ANK3: variants seen among roughly 807,000 people sequenced by gnomAD.
ANK3 encodes ankyrin 3, also known as ankyrin-3.
Under a neutral mutation model 370.9 loss-of-function variants are expected in ANK3, and 57 were observed. That is an observed-to-expected ratio of 0.15 (90% CI 0.12 to 0.19). ANK3 has a LOEUF of 0.19. ANK3 is among the 10% of genes least tolerant of loss of function. The pLI, the probability that ANK3 is intolerant of heterozygous loss-of-function variation, is 1.00. For missense variants in ANK3, 4,439 were observed against 5,302.1 expected (o/e 0.84, Z 5.06); for synonymous variants, 1,929 against 1,946.3 (o/e 0.99, Z 0.23).
intron 4 of ANK3, among the ~76,000 whole-genome samples, chr10:60,273,527 T>C (rs1054784775): frequency 1.3e-5 from 2 of 152,212 alleles, no homozygotes; most frequent in African/African-American, 4.8e-5. Flanking sequence ...TAACCACTAA[T>C]GCACTTTCTC....
At chr10:60,045,255 G>GAGTT (rs2076761517) in intron 42 of ANK3, among the ~76,000 whole-genome samples, 1 of 152,166 alleles carries the variant, frequency 6.6e-6, no homozygotes, top group African/African-American at 2.4e-5. Flanking sequence ...CAGTAATACA[G>GAGTT]AGTTAGAATC....
intron 2 of ANK3, among the ~76,000 whole-genome samples, chr10:60,505,583 A>T (rs985410215): frequency 1.1e-4 from 17 of 152,098 alleles, no homozygotes; most frequent in African/African-American, 3.6e-4. Context: ...TCTGAATTCA[A>T]CCTTACATTT....
intron 1 of ANK3, among the ~76,000 whole-genome samples, chr10:60,294,935 C>T (rs531793481): frequency 1.3e-5 from 2 of 152,196 alleles, no homozygotes; most frequent in East Asian, 1.9e-4. Context: ...TAAGGAAGGA[C>T]GTTATTTTCT....
Position 60,152,150 on chromosome 10 carries a change from T to C in ANK3, c.2615-13063A>G, listed in dbSNP as rs749111725. Among the ~76,000 whole-genome samples, 10 of 152,182 alleles carry C rather than the reference T, an allele frequency of 6.6e-5. No individual in the cohort carries two copies. In the East Asian group the frequency reaches 1.9e-3, roughly 29 times the overall value. ...GATGTATACACCCTAAGACCTATGA[T>C]AGACACCAGGACAACTCTGATCCTA... is the stretch of plus-strand genomic sequence containing the variant. On this transcript the variant is annotated intron_variant, in intron 23 of 43. Coordinates refer to ENST00000280772, the MANE Select transcript of ANK3 (RefSeq NM_020987.5).
rs187761804 is a variant in ANK3 at position 60,578,182 on chromosome 10, C to T, written c.96+37004G>A. ...TCTTTCCTGGTTATTCAGCCATATG[C>T]CCATTAAAATACAATGATATAATAA... On this transcript the variant is annotated intron_variant, in intron 2 of 43. Coordinates refer to the ANK3 transcript ENST00000373827. 9.1e-4 allele frequency among the ~76,000 whole-genome samples: 138 copies of T among 152,136 alleles called. 1 individual carries two copies. The highest frequency in any genetic ancestry group is 1.7e-3 in the South Asian group (8 of 4,828).
chr10:60,393,621 C>A (rs1485797901), upstream of ANK3, among the ~76,000 whole-genome samples: 1 of 152,160 alleles, frequency 6.6e-6, no homozygotes, highest in Non-Finnish European at 1.5e-5. Flanking sequence ...TTAGATATCA[C>A]AGCCAAGTAT....
chr10:60,209,411 C>A (rs901800509), intron 9 of ANK3, among the ~76,000 whole-genome samples: 1 of 152,108 alleles, frequency 6.6e-6, no homozygotes, highest in African/African-American at 2.4e-5. Flanking sequence ...AGTATAAGCT[C>A]CTTGTTAACC....
rs570634786 is a variant in ANK3 at position 60,062,944 on chromosome 10, C to G, written c.12595+167G>C. 8.5e-6 allele frequency: 5 copies of G among 586,468 alleles called. No homozygotes were observed. The South Asian group carries it at 1.4e-4, about 16-fold the overall frequency. 36.3% of individuals were successfully genotyped at this position (586,468 alleles called of 1,614,324 possible). The stretch of plus-strand genomic sequence containing the variant: ...ATTGTATATAAACAGAGGTATTTAC[C>G]AAGTTTGCTCTGATATCAGAGTGTT... On this transcript the variant is annotated intron_variant, in intron 40 of 43. Coordinates refer to ENST00000280772, the MANE Select transcript of ANK3 (RefSeq NM_020987.5).
At chr10:60,110,239 C>T (rs1345245138) in intron 26 of ANK3, among the ~76,000 whole-genome samples, 1 of 152,110 alleles carries the variant, frequency 6.6e-6, no homozygotes, top group East Asian at 1.9e-4. Flanking sequence ...CTGAAGAATG[C>T]TACCTCTTGA....
In ANK3 at chr10:60,154,216, C is replaced by CAA. The variant is rs375257624; in HGVS notation, c.2614+12373_2614+12374dup. On this transcript the variant is annotated intron_variant, in intron 23 of 43. Coordinates refer to ENST00000280772, the MANE Select transcript of ANK3 (RefSeq NM_020987.5). Reference sequence around the variant, plus strand: ...AAACAACAAAATTTCAGGTGAAGAACAATTTCTGAAGCTGCTAAGAACAGT... The same window carrying CAA: ...AAACAACAAAATTTCAGGTGAAGAACAAAATTTCTGAAGCTGCTAAGAACAGT... 8.5e-5 allele frequency among the ~76,000 whole-genome samples: 13 copies of CAA among 152,256 alleles called. No homozygotes were observed. The South Asian group carries it at 2.7e-3, about 32-fold the overall frequency.
chr10:60,689,521 G>A (rs1394379483), intron 1 of ANK3, among the ~76,000 whole-genome samples: 1 of 152,136 alleles, frequency 6.6e-6, no homozygotes, highest in African/African-American at 2.4e-5. Flanking sequence ...GGAGGCTGAG[G>A]CAGGTGGATC....
chr10:60,693,279 T>G (rs956748858), intron 1 of ANK3, among the ~76,000 whole-genome samples: 1 of 151,922 alleles, frequency 6.6e-6, no homozygotes. Flanking sequence ...CGCTGATTGC[T>G]AGCAGTCTGA....
At chr10:60,280,159 G>C (rs1037664379) in intron 1 of ANK3, among the ~76,000 whole-genome samples, 1 of 152,130 alleles carries the variant, frequency 6.6e-6, no homozygotes, top group Non-Finnish European at 1.5e-5. Flanking sequence ...GAACTCCCGG[G>C]CTCAAGTGAT....
intron 25 of ANK3, among the ~76,000 whole-genome samples, chr10:60,133,411 C>T (rs1257863375): frequency 2.0e-5 from 3 of 152,196 alleles, no homozygotes; most frequent in East Asian, 3.8e-4. Flanking sequence ...TATAGTAACC[C>T]GCTATCTATT....
At chr10:60,086,651 G>C (rs1564905955) in intron 30 of ANK3, 26 bp downstream of exon 30, 2 of 1,570,574 alleles carry the variant, frequency 1.3e-6, no homozygotes, top group African/African-American at 2.7e-5. Flanking sequence ...GAATCAATAG[G>C]AAGTACAGCA....
chr10:60,186,963 G>T, intron 16 of ANK3, 51 bp from the exon 17 acceptor site: 1 of 1,521,386 alleles, frequency 6.6e-7, no homozygotes, highest in Non-Finnish European at 9.1e-7. Context: ...ATAAAAATGT[G>T]CACAGTGCAT....
chr10:60,057,336 A>T (rs2079404792), intron 41 of ANK3, among the ~76,000 whole-genome samples: 1 of 152,054 alleles, frequency 6.6e-6, no homozygotes, highest in Non-Finnish European at 1.5e-5. Flanking sequence ...CTTTTTTTGT[A>T]GCTTGCGTAT....
intron 23 of ANK3, among the ~76,000 whole-genome samples, chr10:60,144,590 C>T (rs958702911): frequency 9.2e-5 from 14 of 152,200 alleles, no homozygotes; most frequent in Non-Finnish European, 2.1e-4. Flanking sequence ...TCAGCAATCT[C>T]CTCTTCCTAG....
At chr10:60,353,237 C>T (rs1367155342) in intron 1 of ANK3, among the ~76,000 whole-genome samples, 1 of 151,560 alleles carries the variant, frequency 6.6e-6, no homozygotes, top group Non-Finnish European at 1.5e-5. Flanking sequence ...AAGCGATCCA[C>T]CTGCCTCAGC....
Sources: allele counts gnomAD v4.1 joint callset (sites outside exome capture counted in the v4.1 genomes callset), GRCh38; gene constraint gnomAD v4.1.1; transcripts MANE v1.5; gene names NCBI Gene and HGNC (gene_info 2026-07-23, HGNC 2026-07-21).